Variants in PGM3 observed in about 807,000 individuals in gnomAD.
PGM3 encodes the protein phosphoacetylglucosamine mutase.
In PGM3, 40 loss-of-function variants were observed where a neutral mutation model predicts 66.2. That is an observed-to-expected ratio of 0.60 (90% CI 0.47 to 0.79). PGM3 has a LOEUF of 0.79. Ranked by LOEUF, PGM3 falls within the 30% of genes least tolerant of loss-of-function variation. The pLI is 0.00. For synonymous variants in PGM3, 191 were observed against 224.2 expected (o/e 0.85, Z 1.32); for missense variants, 537 against 643.4 (o/e 0.83, Z 1.79).
rs775825306 is a variant in PGM3, at chr6:83,178,744, A to G, written c.958T>C (p.Leu320=). The change falls in exon 8 of 13, where the codon TTG becomes CTG. Residue 320 remains leucine (L), a synonymous_variant. Transcript: ENST00000513973. ...GCAGTTTGTACAACACCAATATTCA[A>G]ACTTTCTCCAATCTAGACAAAAACA... The part of the protein sequence containing the change: ...KELLVEIGES[L]NIGVVQTAYA... 5 of 1,571,996 alleles carry G rather than the reference A, an allele frequency of 3.2e-6. No individual in the cohort carries two copies. Among genetic ancestry groups the G allele is most frequent in the Non-Finnish European group, 3.5e-6 (4 of 1,141,742 alleles).
the PGM3 span, chr6:83,152,031 T>TTC: frequency 6.2e-7 from 1 of 1,613,896 alleles, no homozygotes; most frequent in African/African-American, 1.3e-5. Flanking sequence ...GTTGAAGGTA[T>TTC]TCTTGTCAAA....
Position 83,165,823 on chromosome 6 carries a change from C to T in PGM3, c.*3411G>A, listed in dbSNP as rs533094681. On this transcript the variant is annotated 3_prime_UTR_variant, in exon 13 of 13. Transcript: ENST00000513973. ...AAAGAATTGGGCCCTTTCTGGTGGC[C>T]AATGCCGGCTGCAGGCATTGCAGTT... is the stretch of plus-strand genomic sequence containing the variant. 8 of 315,166 alleles carry T rather than the reference C, an allele frequency of 2.5e-5. No homozygotes were observed. Among genetic ancestry groups the T allele is most frequent in the Non-Finnish European group, 5.1e-5 (8 of 157,122 alleles). 19.5% of individuals were successfully genotyped at this position (315,166 alleles called of 1,614,324 possible).
chr6:83,170,532 T>A, intron 11 of PGM3, 54 bp from the exon 12 acceptor site: 1 of 1,404,080 alleles, frequency 7.1e-7, no homozygotes, highest in Non-Finnish European at 1.0e-6. Flanking sequence ...TTCAGAAGCT[T>A]AACCTGTTAA....
At position 83,190,880 on chromosome 6, in the gene PGM3, A is replaced by G. The variant is rs1353330839; in HGVS notation, c.133T>C (p.Leu45=). The part of the protein sequence containing the change: ...LDHVMFRMGL[L]AVLRSKQTKS... The stretch of plus-strand genomic sequence containing the variant: ...GTCTGTTTTGACCTCAGGACAGCTA[A>G]TAATCCCATGCGAAACATGACATGA... The change falls in exon 2 of 13, where the codon TTA becomes CTA. Residue 45 remains leucine, a synonymous_variant. Coordinates refer to ENST00000513973, the MANE Select transcript of PGM3 (RefSeq NM_015599.3). 2 of 1,614,022 alleles carry G rather than the reference A, an allele frequency of 1.2e-6. No individual in the cohort carries two copies. The highest frequency in any genetic ancestry group is 1.7e-6 in the Non-Finnish European group (2 of 1,180,020).
intron 6 of PGM3, 50 bp downstream of exon 6, chr6:83,181,686 G>T: frequency 2.4e-6 from 3 of 1,244,340 alleles, no homozygotes; most frequent in Non-Finnish European, 3.4e-6. Context: ...AAGTGAGATT[G>T]GCTTCAAAGA....
At chr6:83,173,801 A>T (rs1344247300) in intron 10 of PGM3, among the ~76,000 whole-genome samples, 1 of 152,076 alleles carries the variant, frequency 6.6e-6, no homozygotes, top group African/African-American at 2.4e-5. Context: ...CAGTGGCGTG[A>T]TCTTGGCTCA....
chr6:83,156,143 G>C, the PGM3 span: 1 of 1,540,056 alleles, frequency 6.5e-7, no homozygotes, highest in Non-Finnish European at 8.8e-7. Flanking sequence ...TCTAACTACA[G>C]GTTTTTGGTT....
intron 4 of PGM3, among the ~76,000 whole-genome samples, chr6:83,186,327 G>A (rs554027813): frequency 6.6e-5 from 10 of 152,278 alleles, no homozygotes; most frequent in Non-Finnish European, 1.5e-4. Context: ...CAGAAGAGGA[G>A]GAAACAGAGA....
chr6:83,155,120 A>C, the PGM3 span, among the ~76,000 whole-genome samples: 2 of 152,144 alleles, frequency 1.3e-5, no homozygotes, highest in South Asian at 4.1e-4. Context: ...AAAGAAGCCA[A>C]CCATGAGAAG....
intron 10 of PGM3, among the ~76,000 whole-genome samples, chr6:83,173,783 C>G (rs1024564955): frequency 2.0e-5 from 3 of 152,176 alleles, no homozygotes; most frequent in African/African-American, 7.2e-5. Flanking sequence ...GTCACCCAGG[C>G]TGGAGTGCAG....
chr6:83,166,917 G>A lies in PGM3; in HGVS notation c.*2317C>T. On this transcript the variant is annotated 3_prime_UTR_variant, in exon 13 of 13. Transcript: ENST00000513973. ...TAAGTCTTCATGATTTCTTCCTTCT[G>A]TCTAGTTCATTGCTTATTTTCATTC... 1.0e-6 allele frequency: 1 copy of A among 988,124 alleles called. No homozygotes were observed. Among genetic ancestry groups the A allele is most frequent in the Non-Finnish European group, 1.2e-6 (1 of 831,866 alleles). 61.2% of individuals were successfully genotyped at this position (988,124 alleles called of 1,614,324 possible). A position where few individuals can be genotyped will look rare whatever the true frequency, so the allele number is the denominator to read the frequency against.
rs772845309 is a variant in PGM3, at chr6:83,166,494, T to A, written c.*2740A>T. 4 of 697,930 alleles carry A rather than the reference T, an allele frequency of 5.7e-6. No individual in the cohort carries two copies. The South Asian group carries it at 6.1e-5, about 11-fold the overall frequency. 43.2% of individuals were successfully genotyped at this position (697,930 alleles called of 1,614,324 possible). The stretch of plus-strand genomic sequence containing the variant: ...ATTTTGAACTCAGAAAATCGCTAAA[T>A]TTGATTTTTGTCTAACATCATTTCC... On this transcript the variant is annotated 3_prime_UTR_variant, in exon 13 of 13. Coordinates refer to ENST00000513973, the MANE Select transcript of PGM3 (RefSeq NM_015599.3).
At chr6:83,187,395 C>T (rs1400594717) in intron 3 of PGM3, among the ~76,000 whole-genome samples, 3 of 152,188 alleles carry the variant, frequency 2.0e-5, no homozygotes, top group Non-Finnish European at 4.4e-5. Flanking sequence ...AGAACAGTAA[C>T]AATAAACACT....
chr6:83,168,367 T>G lies in PGM3; in HGVS notation c.*867A>C. On this transcript the variant is annotated 3_prime_UTR_variant, in exon 13 of 13. Coordinates refer to ENST00000513973, the MANE Select transcript of PGM3 (RefSeq NM_015599.3). ...TTAAATATTGTTGGCTCATACTGAT[T>G]ATGGTGCCTAAGAGAGCTATATATA... 1 of 1,385,662 alleles carries G rather than the reference T, an allele frequency of 7.2e-7. No homozygotes were observed. The highest frequency in any genetic ancestry group is 1.6e-5 in the South Asian group (1 of 61,418). 85.8% of individuals were successfully genotyped at this position (1,385,662 alleles called of 1,614,324 possible). A position where few individuals can be genotyped will look rare whatever the true frequency, so the allele number is the denominator to read the frequency against.
Position 83,176,015 on chromosome 6 carries a change from TGTG to T in PGM3, c.1072_1074del (p.His358del), listed in dbSNP as rs1380983915. 1.9e-6 allele frequency: 3 copies of T among 1,611,866 alleles called. No homozygotes were observed. The highest frequency in any genetic ancestry group is 2.5e-6 in the Non-Finnish European group (3 of 1,178,106). Reference sequence around the variant, plus strand: ...ACTCCAATGTCAAACTCTTGAGCCTTGTGGTGCAAATGTTTTACACCAGTCTTA... The same window carrying T: ...ACTCCAATGTCAAACTCTTGAGCCTTGTGCAAATGTTTTACACCAGTCTTA... On this transcript the variant is annotated inframe_deletion, in exon 9 of 13. Coordinates refer to ENST00000513973, the MANE Select transcript of PGM3 (RefSeq NM_015599.3).
At chr6:83,181,988 AATATAAAGCATATATAC>A (rs2128497526) in intron 5 of PGM3, 57 bp from the exon 6 acceptor site, 3 of 1,172,246 alleles carry the variant, frequency 2.6e-6, no homozygotes, top group Non-Finnish European at 3.6e-6. Flanking sequence ...ATAAATGTGA[AATATAAAGCATATATAC>A]ATATGTGCAT....
At chr6:83,158,612 G>A, downstream of PGM3, 1 of 1,604,482 alleles carries the variant, frequency 6.2e-7, no homozygotes, top group Non-Finnish European at 8.5e-7. Flanking sequence ...TGCTGATGAA[G>A]ATATTTCACG....
Position 83,166,488 on chromosome 6 carries a change from G to A in PGM3, c.*2746C>T, listed in dbSNP as rs575701725. 5 of 695,820 alleles carry A rather than the reference G, an allele frequency of 7.2e-6. No individual in the cohort carries two copies. Among genetic ancestry groups the A allele is most frequent in the African/African-American group, 3.5e-5 (2 of 57,066 alleles). The allele number at this position is 695,820 out of a possible 1,614,324, so 43.1% of individuals were successfully genotyped here. ...TAACCTATTTTGAACTCAGAAAATC[G>A]CTAAATTTGATTTTTGTCTAACATC... On this transcript the variant is annotated 3_prime_UTR_variant, in exon 13 of 13. Transcript: ENST00000513973.
rs781776506 is a variant in PGM3, at chr6:83,166,486, T to C, written c.*2748A>G. 1.4e-6 allele frequency: 1 copy of C among 698,240 alleles called. No homozygotes were observed. The highest frequency in any genetic ancestry group is 1.5e-5 in the South Asian group (1 of 65,912). 43.3% of individuals were successfully genotyped at this position (698,240 alleles called of 1,614,324 possible). On this transcript the variant is annotated 3_prime_UTR_variant, in exon 13 of 13. Transcript: ENST00000513973. Reference sequence around the variant, plus strand: ...TATAACCTATTTTGAACTCAGAAAATCGCTAAATTTGATTTTTGTCTAACA... The same window carrying C: ...TATAACCTATTTTGAACTCAGAAAACCGCTAAATTTGATTTTTGTCTAACA...
Sources: gnomAD v4.1 joint callset for allele counts (sites outside exome capture counted in the v4.1 genomes callset) on GRCh38, gnomAD v4.1.1 for gene constraint, MANE v1.5 for transcripts, NCBI Gene and HGNC (gene_info 2026-07-23, HGNC 2026-07-21) for gene names.